MPC1: variants seen among roughly 807,000 people sequenced by gnomAD.
The protein encoded by MPC1 is mitochondrial pyruvate carrier 1.
In MPC1, 6 loss-of-function variants were observed where a neutral mutation model predicts 13.9. The ratio of observed to expected loss-of-function variants is 0.43; its 90% CI spans 0.24 to 0.85. The LOEUF is 0.85. Ranked by LOEUF, MPC1 falls within the 40% of genes least tolerant of loss-of-function variation. The probability of loss-of-function intolerance (pLI) is 0.24; values close to 1 mark genes in which losing one functional copy is unlikely to be tolerated. For missense variants in MPC1, 115 were observed against 143.3 expected (o/e 0.80, Z 1.01); for synonymous variants, 47 against 50.5 (o/e 0.93, Z 0.29).
At chr6:166,373,007 A>G (rs139806186) in intron 1 of MPC1, among the ~76,000 whole-genome samples, 28 of 152,190 alleles carry the variant, frequency 1.8e-4, no homozygotes, top group Non-Finnish European at 3.2e-4. Context: ...ATTTTTCAGA[A>G]AAGTTTTAGG....
In MPC1 at chr6:166,382,885, C is replaced by A. The variant is rs370510209; in HGVS notation, c.-9G>T. On this transcript the variant is annotated 5_prime_UTR_variant, in exon 1 of 5. Coordinates refer to ENST00000360961, the MANE Select transcript of MPC1 (RefSeq NM_016098.4). ...ACCAACGCGCCCGCCATGGCTGTGC[C>A]GACACCAGACCCCGAGTGGTCCCTG... is the stretch of plus-strand genomic sequence containing the variant. The A allele has an allele frequency of 1.9e-6, 3 of 1,594,526 alleles. No homozygotes were observed. The highest frequency in any genetic ancestry group is 2.3e-5 in the East Asian group (1 of 42,866).
Position 166,365,386 on chromosome 6 carries a change from G to A in MPC1, c.*43C>T. On this transcript the variant is annotated 3_prime_UTR_variant, in exon 5 of 5. Coordinates refer to ENST00000360961, the MANE Select transcript of MPC1 (RefSeq NM_016098.4). This position sits in a 1 kb window ranked among gnomAD's most constrained non-coding sequence, Gnocchi z 4.2. Reference sequence around the variant, plus strand: ...TGAAATCTGTGACTCAGCAGCAGCTGGCAATGCTGTCCCTTCAAGACCTTG... The same window carrying A: ...TGAAATCTGTGACTCAGCAGCAGCTAGCAATGCTGTCCCTTCAAGACCTTG... 1 of 1,492,016 alleles carries A rather than the reference G, an allele frequency of 6.7e-7. No homozygotes were observed. 92.4% of individuals were successfully genotyped at this position (1,492,016 alleles called of 1,614,324 possible).
intron 1 of MPC1, among the ~76,000 whole-genome samples, chr6:166,379,214 C>T (rs1779676793): frequency 6.6e-6 from 1 of 152,166 alleles, no homozygotes; most frequent in Non-Finnish European, 1.5e-5. Flanking sequence ...TGTGGATGGG[C>T]TGGGCACAGT....
In MPC1 at chr6:166,365,293, T is replaced by C. The variant is rs1779107647; in HGVS notation, c.*136A>G. 1 of 698,046 alleles carries C rather than the reference T, an allele frequency of 1.4e-6. No homozygotes were observed. The highest frequency in any genetic ancestry group is 1.9e-5 in the African/African-American group (1 of 53,592). 43.2% of individuals were successfully genotyped at this position (698,046 alleles called of 1,614,324 possible). A position where few individuals can be genotyped will look rare whatever the true frequency, so the allele number is the denominator to read the frequency against. ...AGTTGGTTTAGAAACTCTCAGCTAT[T>C]TCTATAAAAATAGAATGGTTAGTAA... On this transcript the variant is annotated 3_prime_UTR_variant, in exon 5 of 5. Transcript: ENST00000360961. This position sits in a 1 kb window ranked among gnomAD's most constrained non-coding sequence, Gnocchi z 4.2.
Position 166,366,797 on chromosome 6 carries a change from A to AATGT in MPC1, c.166_169dup (p.Phe57TyrfsTer33). ...ATTATCCAAATCTGCATTCTTACCA[A>AATGT]ATGTCATCCGCCCACTGATAATCTC... On this transcript the variant is annotated frameshift_variant, in exon 3 of 5. Coordinates refer to ENST00000360961, the MANE Select transcript of MPC1 (RefSeq NM_016098.4). LOFTEE classifies it high-confidence loss of function. The AATGT allele has an allele frequency of 6.2e-7, 1 of 1,613,834 alleles. No individual in the cohort carries two copies. Among genetic ancestry groups the AATGT allele is most frequent in the Non-Finnish European group, 8.5e-7 (1 of 1,179,742 alleles).
At chr6:166,382,735 G>C in intron 1 of MPC1, 71 bp downstream of exon 1, 1 of 1,456,442 alleles carries the variant, frequency 6.9e-7, no homozygotes, top group South Asian at 1.3e-5. Flanking sequence ...CGCCCTCGTC[G>C]CGGACTGCAC....
rs766200546 is a variant in MPC1 at position 166,366,105 on chromosome 6, G to A, written c.174C>T (p.Ala58=). The A allele has an allele frequency of 1.2e-6, 2 of 1,612,758 alleles. No individual in the cohort carries two copies. Among genetic ancestry groups the A allele is most frequent in the Non-Finnish European group, 1.7e-6 (2 of 1,179,312 alleles). ...TGAATGTCAAAGAATAGCAACAGAG[G>A]GCTGCCAAAAATAGCAGAGCAAAGA... ...PEIISGRMTF[A]LCCYSLTFMR... The change falls in exon 4 of 5, where the codon GCC becomes GCT. Residue 58 remains alanine (A), a splice_region_variant and synonymous_variant. Transcript: ENST00000360961.
At chr6:166,379,573 AT>A (rs201629030) in intron 1 of MPC1, among the ~76,000 whole-genome samples, 1,810 of 152,368 alleles carry the variant, frequency 0.012, 14 homozygotes, top group Non-Finnish European at 0.018. Context: ...AAATAAATTT[AT>A]AATCTGTGTA....
intron 2 of MPC1, chr6:166,369,537 TAAG>T (rs1346583039): frequency 3.7e-5 from 6 of 161,970 alleles, no homozygotes; most frequent in East Asian, 3.7e-4. Context: ...ATATGTTTCT[TAAG>T]AAGAACACGA....
intron 2 of MPC1, chr6:166,368,653 G>T: frequency 2.0e-6 from 1 of 491,646 alleles, no homozygotes; most frequent in Non-Finnish European, 2.6e-6. Flanking sequence ...ACATTTAGAT[G>T]CAATATGGCC....
At chr6:166,379,513 G>A (rs1779689179) in intron 1 of MPC1, among the ~76,000 whole-genome samples, 1 of 151,890 alleles carries the variant, frequency 6.6e-6, no homozygotes, top group African/African-American at 2.4e-5. Flanking sequence ...AAATACACTT[G>A]GAAATTCAGT....
At chr6:166,368,416 G>A (rs927613341) in intron 2 of MPC1, among the ~76,000 whole-genome samples, 9 of 152,074 alleles carry the variant, frequency 5.9e-5, no homozygotes, top group South Asian at 2.1e-4. Flanking sequence ...ATTAGCCAGC[G>A]TGGTGGCAGG....
At chr6:166,374,743 G>A (rs755932470) in intron 1 of MPC1, among the ~76,000 whole-genome samples, 6 of 152,164 alleles carry the variant, frequency 3.9e-5, no homozygotes, top group Non-Finnish European at 5.9e-5. Context: ...TTTGGTTTAT[G>A]TAGGTCTACT....
chr6:166,365,883 C>A lies in MPC1; in HGVS notation c.305+91G>T. Reference sequence around the variant, plus strand: ...AAGCGCATCTATACACACTCCAGTCCCGCAGCACTCCCTCAGAAAAGATTT... The same window carrying A: ...AAGCGCATCTATACACACTCCAGTCACGCAGCACTCCCTCAGAAAAGATTT... On this transcript the variant is annotated intron_variant, in intron 4 of 4. Transcript: ENST00000360961. The surrounding 1 kb of genome is among the most constrained non-coding windows in gnomAD (Gnocchi z 4.2). The A allele has an allele frequency of 6.5e-7, 1 of 1,527,782 alleles. No individual in the cohort carries two copies. Among genetic ancestry groups the A allele is most frequent in the Non-Finnish European group, 8.9e-7 (1 of 1,127,102 alleles). 94.6% of individuals were successfully genotyped at this position (1,527,782 alleles called of 1,614,324 possible). A position where few individuals can be genotyped will look rare whatever the true frequency, so the allele number is the denominator to read the frequency against.
intron 1 of MPC1, among the ~76,000 whole-genome samples, chr6:166,373,005 G>A (rs1779435915): frequency 6.6e-6 from 1 of 151,940 alleles, no homozygotes; most frequent in Non-Finnish European, 1.5e-5. Flanking sequence ...TAATTTTTCA[G>A]AAAAGTTTTA....
In MPC1 at chr6:166,370,675, G is replaced by A. The variant is rs543366775; in HGVS notation, c.72-454C>T. Among the ~76,000 whole-genome samples, 3 of 152,246 alleles carry A rather than the reference G, an allele frequency of 2.0e-5. No individual in the cohort carries two copies. In the South Asian group the frequency reaches 6.2e-4, roughly 32 times the overall value. On this transcript the variant is annotated intron_variant, in intron 1 of 4. Transcript: ENST00000360961. ...TCACTATTAATCTGGGCAACATAGTGAGACCCCATCTATACACAAATATAT... is the reference window on the plus strand; with the variant it reads ...TCACTATTAATCTGGGCAACATAGTAAGACCCCATCTATACACAAATATAT...
intron 1 of MPC1, among the ~76,000 whole-genome samples, chr6:166,372,744 C>A (rs74300210): frequency 3.4e-5 from 5 of 148,614 alleles, no homozygotes; most frequent in East Asian, 2.0e-4. Flanking sequence ...TTACCTGTTT[C>A]AAAAAAAAAA....
chr6:166,370,621 A>C (rs1779343399), intron 1 of MPC1, among the ~76,000 whole-genome samples: 1 of 152,246 alleles, frequency 6.6e-6, no homozygotes, highest in Non-Finnish European at 1.5e-5. Flanking sequence ...TGGGAGGCTA[A>C]GGCAGGAGGA....
rs1779305318 is a variant in MPC1 at position 166,369,717 on chromosome 6, A to C, written c.75+501T>G. ...GCAGTCAATTTTGAGAAAAATAAGG[A>C]ACTTTATTAAAATTCAAAAAGAAAT... On this transcript the variant is annotated intron_variant, in intron 2 of 4. Transcript: ENST00000360961. Among the ~76,000 whole-genome samples, 2 of 152,252 alleles carry C rather than the reference A, an allele frequency of 1.3e-5. 1 individual carries two copies. The highest frequency in any genetic ancestry group is 4.1e-4 in the South Asian group (2 of 4,830).
Sources: allele counts gnomAD v4.1 joint callset (sites outside exome capture counted in the v4.1 genomes callset), GRCh38; gene constraint gnomAD v4.1.1; non-coding constraint Gnocchi (gnomAD v3.1); transcripts MANE v1.5; gene names NCBI Gene and HGNC (gene_info 2026-07-23, HGNC 2026-07-21).